KDM6B: variants seen among roughly 807,000 people sequenced by gnomAD.
KDM6B encodes lysine-specific demethylase 6B.
A neutral mutation model predicts 150.4 loss-of-function variants in KDM6B; 22 were observed. The observed-to-expected ratio is 0.15, with a 90% CI of 0.10 to 0.21. KDM6B has a LOEUF of 0.21. Ranked by LOEUF, KDM6B falls within the 10% of genes least tolerant of loss-of-function variation. The pLI, the probability that KDM6B is intolerant of heterozygous loss-of-function variation, is 1.00. For missense variants in KDM6B, 1,984 were observed against 2,234.3 expected (o/e 0.89, Z 2.26); for synonymous variants, 1,148 against 921.1 (o/e 1.25, Z -4.46).
Position 7,852,009 on chromosome 17 carries a change from C to T in KDM6B, c.4224C>T (p.Cys1408=), listed in dbSNP as rs755945361. Residue 1408 remains cysteine (C), a synonymous_variant, in exon 19 of 24, where the codon TGC becomes TGT. Transcript: ENST00000448097. Reference sequence around the variant, plus strand: ...ACATCAACATTGGCCCAGGCGACTGCGAGTGGTTCGCGGTGCACGAGCACT... The same window carrying T: ...ACATCAACATTGGCCCAGGCGACTGTGAGTGGTTCGCGGTGCACGAGCACT... ...SVNINIGPGD[C]EWFAVHEHYW... The T allele has an allele frequency of 6.2e-7, 1 of 1,613,988 alleles. No homozygotes were observed. Among genetic ancestry groups the T allele is most frequent in the African/African-American group, 1.3e-5 (1 of 74,940 alleles).
At position 7,849,542 on chromosome 17, in the gene KDM6B, G is replaced by A; in HGVS notation, c.3254G>A (p.Ser1085Asn). The change falls in exon 12 of 24, where the codon AGC becomes AAC. Residue 1085 changes from serine to asparagine, a missense_variant. Physicochemically the swap from Ser to Asn is conservative, Grantham distance 46 (BLOSUM62 1). Coordinates refer to ENST00000448097, the MANE Select transcript of KDM6B (RefSeq NM_001348716.2). Reference protein sequence around the residue: ...REEAPGPPGVSRADMLKLRSL... With the variant: ...REEAPGPPGVNRADMLKLRSL... ...GAAGCCCCAGGGCCACCGGGTGTCA[G>A]CCGGGCCGACATGCTGAAGCTGCGC... 6.2e-7 allele frequency: 1 copy of A among 1,612,826 alleles called. No individual in the cohort carries two copies. The highest frequency in any genetic ancestry group is 8.5e-7 in the Non-Finnish European group (1 of 1,179,958).
chr17:7,851,095 C>G lies in KDM6B; in HGVS notation c.3748C>G (p.Gln1250Glu). Reference sequence around the variant, plus strand: ...CACCGTGGAAGTTCGCACCCAGGTGCAGCAGCCCTCAGATGAGAACTGGGA... The same window carrying G: ...CACCGTGGAAGTTCGCACCCAGGTGGAGCAGCCCTCAGATGAGAACTGGGA... The part of the protein sequence containing the change: ...EHTVEVRTQV[Q>E]QPSDENWDLT... Residue 1250 changes from glutamine to glutamate, a missense_variant, in exon 15 of 24, where the codon CAG (glutamine) becomes GAG (glutamate). Around this residue, in one of 13 missense-constraint regions of KDM6B, gnomAD observed 25 missense variants for 36.4 expected, o/e 0.69. Transcript: ENST00000448097. 1 of 1,613,648 alleles carries G rather than the reference C, an allele frequency of 6.2e-7. No homozygotes were observed. The highest frequency in any genetic ancestry group is 8.5e-7 in the Non-Finnish European group (1 of 1,180,038).
chr17:7,853,452 CCCGG>C, intron 23 of KDM6B, 42 bp from the exon 24 acceptor site: 3 of 1,511,650 alleles, frequency 2.0e-6, no homozygotes, highest in Non-Finnish European at 8.8e-7. Flanking sequence ...GCTTCGGGAG[CCCGG>C]CCGCGCCTTT....
At chr17:7,851,853 C>T in intron 18 of KDM6B, 57 bp downstream of exon 18, 1 of 1,566,570 alleles carries the variant, frequency 6.4e-7, no homozygotes, top group Non-Finnish European at 8.7e-7. Flanking sequence ...GGGCTGGCGG[C>T]GGCGCTCAGC....
At chr17:7,853,158 G>A (rs2078736499) in intron 22 of KDM6B, 32 bp downstream of exon 22, 1 of 1,614,070 alleles carries the variant, frequency 6.2e-7, no homozygotes. Context: ...CTCTCCCTGA[G>A]TGTCCACAGT....
At chr17:7,836,589 C>T (rs1458136641) in intron 1 of KDM6B, among the ~76,000 whole-genome samples, 1 of 152,236 alleles carries the variant, frequency 6.6e-6, no homozygotes, top group African/African-American at 2.4e-5. Context: ...GGCACAGTAT[C>T]TCCGAGGGGC....
intron 2 of KDM6B, among the ~76,000 whole-genome samples, chr17:7,842,011 C>T (rs2078425376): frequency 6.6e-6 from 1 of 152,212 alleles, no homozygotes; most frequent in African/African-American, 2.4e-5. Context: ...CCTCGGCGCG[C>T]GCGCAGCATG....
Position 7,845,864 on chromosome 17 carries a change from C to T in KDM6B, c.138-8C>T, listed in dbSNP as rs760390118. ...TTGCCGTATATAACAGACTCCTTCT[C>T]TCTCCAGATGCTCAGCCAGCATTGG... On this transcript the variant is annotated splice_region_variant and splice_polypyrimidine_tract_variant and intron_variant, in intron 5 of 23. Transcript: ENST00000448097. 1.6e-4 allele frequency: 262 copies of T among 1,612,236 alleles called. No homozygotes were observed. Among genetic ancestry groups the T allele is most frequent in the Non-Finnish European group, 2.1e-4 (248 of 1,178,390 alleles).
rs770039281 is a variant in KDM6B, at chr17:7,849,202, T to A, written c.2914T>A (p.Cys972Ser). 1.9e-6 allele frequency: 3 copies of A among 1,601,180 alleles called. No individual in the cohort carries two copies. The South Asian group carries it at 3.3e-5, about 18-fold the overall frequency. ...AGGVAAVSGS[C>S]KRRQKEHQKE... ...CGGGGTGGCGGCAGTGTCAGGCAGC[T>A]GTAAGCGGCGACAGAAGGAGCATCA... The change falls in exon 12 of 24, where the codon TGT (cysteine) becomes AGT (serine). Residue 972 changes from cysteine (C) to serine (S), a missense_variant. Coordinates refer to ENST00000448097, the MANE Select transcript of KDM6B (RefSeq NM_001348716.2).
rs1334682245 is a variant in KDM6B, at chr17:7,845,029, C to T, written c.-149+9C>T. 9.9e-5 allele frequency: 19 copies of T among 192,140 alleles called. No individual in the cohort carries two copies. Among genetic ancestry groups the T allele is most frequent in the South Asian group, 6.7e-4 (8 of 11,916 alleles). 11.9% of individuals were successfully genotyped at this position (192,140 alleles called of 1,614,324 possible). ...GCTCCCACGGAGGCCGGGTAAGCGG[C>T]CGCTGCGTTTTGGGTCGGCCCAGTG... On this transcript the variant is annotated intron_variant, in intron 3 of 23. Transcript: ENST00000448097.
chr17:7,845,353 G>A lies in KDM6B; in HGVS notation c.-109G>A. 1.5e-6 allele frequency: 1 copy of A among 673,444 alleles called. No homozygotes were observed. The highest frequency in any genetic ancestry group is 2.7e-6 in the Non-Finnish European group (1 of 372,780). 41.7% of individuals were successfully genotyped at this position (673,444 alleles called of 1,614,324 possible). A position where few individuals can be genotyped will look rare whatever the true frequency, so the allele number is the denominator to read the frequency against. On this transcript the variant is annotated 5_prime_UTR_variant, in exon 4 of 24. Transcript: ENST00000448097. Reference sequence around the variant, plus strand: ...GGACTGAGGCAGCCATCTGGGGGTAGCGGGCACTCTTATCAGAGCGGCTGG... The same window carrying A: ...GGACTGAGGCAGCCATCTGGGGGTAACGGGCACTCTTATCAGAGCGGCTGG...
intron 2 of KDM6B, among the ~76,000 whole-genome samples, chr17:7,841,804 C>CG (rs910221546): frequency 1.8e-4 from 27 of 152,030 alleles, no homozygotes; most frequent in Non-Finnish European, 3.2e-4. Context: ...GGCCGGCAGC[C>CG]GGGGGAAGGC....
In KDM6B at chr17:7,849,810, T is replaced by C. The variant is rs532743254; in HGVS notation, c.3441-11T>C. Reference sequence around the variant, plus strand: ...TGATGTTTCTGTCTTCATTCCACTGTCCTCCCGCAGGAATGCCAAGGTGAA... The same window carrying C: ...TGATGTTTCTGTCTTCATTCCACTGCCCTCCCGCAGGAATGCCAAGGTGAA... On this transcript the variant is annotated splice_polypyrimidine_tract_variant and intron_variant, in intron 12 of 23. Coordinates refer to ENST00000448097, the MANE Select transcript of KDM6B (RefSeq NM_001348716.2). 83 of 1,612,878 alleles carry C rather than the reference T, an allele frequency of 5.1e-5. 1 individual carries two copies. The South Asian group carries it at 8.6e-4, about 17-fold the overall frequency.
At position 7,852,856 on chromosome 17, in the gene KDM6B, C is replaced by T. The variant is rs1394036309; in HGVS notation, c.4611-144C>T. The T allele has an allele frequency of 4.6e-6, 6 of 1,299,956 alleles. No homozygotes were observed. In the East Asian group the frequency reaches 9.4e-5, roughly 20 times the overall value. The allele number at this position is 1,299,956 out of a possible 1,614,324, so 80.5% of individuals were successfully genotyped here. A position where few individuals can be genotyped will look rare whatever the true frequency, so the allele number is the denominator to read the frequency against. On this transcript the variant is annotated intron_variant, in intron 21 of 23. Coordinates refer to ENST00000448097, the MANE Select transcript of KDM6B (RefSeq NM_001348716.2). ...GGAAACTTCGCCTATAACAGATGCC[C>T]AGGACAGAGGATGTGACCTAGACAT...
rs1450865974 is a variant in KDM6B, at chr17:7,843,407, A to G, written c.-268-1494A>G. Among the ~76,000 whole-genome samples, 1 of 152,158 alleles carries G rather than the reference A, an allele frequency of 6.6e-6. No homozygotes were observed. The highest frequency in any genetic ancestry group is 1.5e-5 in the Non-Finnish European group (1 of 68,014). ...GACAGTAATACCACGTGAACCGCGG[A>G]GAGGGTCCGCGGGGCCCAAGCGACC... On this transcript the variant is annotated intron_variant, in intron 2 of 23. Transcript: ENST00000448097. This position sits in a 1 kb window ranked among gnomAD's most constrained non-coding sequence, Gnocchi z 4.5.
rs1252460462 is a variant in KDM6B, at chr17:7,850,149, C to T, written c.3645C>T (p.Ile1215=). ...ACCCTCGAAATCCCATCACAGTGAT[C>T]CGGGGCCTGGCGGGCTCCCTGCGGC... The part of the protein sequence containing the change: ...CTDPRNPITV[I]RGLAGSLRLN... The change falls in exon 14 of 24, where the codon ATC becomes ATT. Residue 1215 remains isoleucine, a synonymous_variant. Transcript: ENST00000448097. The T allele has an allele frequency of 1.9e-6, 3 of 1,613,588 alleles. No individual in the cohort carries two copies. The African/African-American group carries it at 4.0e-5, about 22-fold the overall frequency.
Position 7,847,632 on chromosome 17 carries a change from G to C in KDM6B, c.1344G>C (p.Pro448=), listed in dbSNP as rs775217927. 1 of 1,611,294 alleles carries C rather than the reference G, an allele frequency of 6.2e-7. No individual in the cohort carries two copies. The highest frequency in any genetic ancestry group is 1.3e-5 in the African/African-American group (1 of 74,742). The change falls in exon 12 of 24, where the codon CCG becomes CCC. Residue 448 remains proline (P), a synonymous_variant. Coordinates refer to ENST00000448097, the MANE Select transcript of KDM6B (RefSeq NM_001348716.2). ...LGPSAHSSRK[P]FLGAPAATPH... is the part of the protein sequence containing the mutation. The stretch of plus-strand genomic sequence containing the variant: ...CCTCGGCACACAGCAGTCGGAAACC[G>C]TTCTTGGGGGCTCCCGCTGCCACTC...
At chr17:7,852,372 G>T in intron 20 of KDM6B, 36 bp downstream of exon 20, 1 of 1,597,674 alleles carries the variant, frequency 6.3e-7, no homozygotes, top group African/African-American at 1.3e-5. Context: ...GTGGTGTGGC[G>T]CCTCAGCGGC....
Position 7,844,842 on chromosome 17 carries a change from G to A in KDM6B, c.-268-59G>A. 6.3e-6 allele frequency: 1 copy of A among 157,666 alleles called. No homozygotes were observed. Among genetic ancestry groups the A allele is most frequent in the African/African-American group, 2.4e-5 (1 of 41,548 alleles). The allele number at this position is 157,666 out of a possible 1,614,324, so 9.8% of individuals were successfully genotyped here. On this transcript the variant is annotated intron_variant, in intron 2 of 23. Coordinates refer to ENST00000448097, the MANE Select transcript of KDM6B (RefSeq NM_001348716.2). The surrounding 1 kb of genome is among the most constrained non-coding windows in gnomAD (Gnocchi z 5.9). ...CTGAGCTCGTCTGACCGGCTCCCGC[G>A]CCCCTCCTCCCCCGGCCACCGCTGC...
Sources: allele counts gnomAD v4.1 joint callset (sites outside exome capture counted in the v4.1 genomes callset), GRCh38; gene constraint gnomAD v4.1.1; regional missense constraint gnomAD v4.1.1; non-coding constraint Gnocchi (gnomAD v3.1); transcripts MANE v1.5; gene names NCBI Gene and HGNC (gene_info 2026-07-23, HGNC 2026-07-21).